COL24A1: variants seen among roughly 807,000 people sequenced by gnomAD.
COL24A1 encodes collagen type XXIV alpha 1 chain, also known as collagen alpha-1(XXIV) chain.
A neutral mutation model predicts 253.9 loss-of-function variants in COL24A1; 224 were observed. The ratio of observed to expected loss-of-function variants is 0.88; its 90% CI spans 0.79 to 0.99. The LOEUF (loss-of-function observed/expected upper bound fraction) is 0.99, where lower values mean the gene tolerates loss of function less well. COL24A1 is among the 50% of genes least tolerant of loss of function. COL24A1 has a pLI of 0.00. For missense variants in COL24A1, 2,131 were observed against 2,068.5 expected (o/e 1.03, Z -0.59); for synonymous variants, 685 against 673.7 (o/e 1.02, Z -0.26).
chr1:86,049,606 A>G (rs1380701654), intron 11 of COL24A1, among the ~76,000 whole-genome samples: 1 of 152,212 alleles, frequency 6.6e-6, no homozygotes, highest in Admixed American at 6.5e-5. Context: ...TGAAGCTGCA[A>G]TGCCATAACT....
intron 43 of COL24A1, among the ~76,000 whole-genome samples, chr1:85,824,826 C>A (rs1457526743): frequency 1.3e-5 from 2 of 151,912 alleles, no homozygotes; most frequent in Non-Finnish European, 2.9e-5. Flanking sequence ...AGAAAGAATG[C>A]CTTAGGAAAG....
chr1:86,151,085 G>GTA (rs775426163), intron 1 of COL24A1, among the ~76,000 whole-genome samples: 2 of 151,644 alleles, frequency 1.3e-5, no homozygotes, highest in African/African-American at 2.4e-5. Context: ...TAAAGGGTTT[G>GTA]TATATATGTG....
rs1351953575 is a variant in COL24A1, at chr1:85,823,734, T to A, written c.3686A>T (p.His1229Leu). The change falls in exon 44 of 60, where the codon CAT becomes CTT. Residue 1229 changes from histidine (H) to leucine (L), a missense_variant. His to Leu is a moderately conservative substitution (Grantham distance 99). Coordinates refer to ENST00000370571, the MANE Select transcript of COL24A1 (RefSeq NM_152890.7). ...ACCTCTTAGTCCTGGTACACCCACA[T>A]GGCCCTAGAAATAGAAAAGATTACA... ...GEPGAEGYKG[H>L]VGVPGLRGAT... 11 of 1,613,488 alleles carry A rather than the reference T, an allele frequency of 6.8e-6. No individual in the cohort carries two copies. The highest frequency in any genetic ancestry group is 9.3e-6 in the Non-Finnish European group (11 of 1,179,660).
chr1:85,845,699 G>A (rs1248833001), intron 39 of COL24A1, among the ~76,000 whole-genome samples: 1 of 151,718 alleles, frequency 6.6e-6, no homozygotes, highest in Admixed American at 6.6e-5. Flanking sequence ...CTAAGTTGAT[G>A]TAACAGAAAA....
chr1:86,133,526 C>G (rs1449755979), intron 2 of COL24A1, among the ~76,000 whole-genome samples: 2 of 152,154 alleles, frequency 1.3e-5, no homozygotes, highest in Admixed American at 6.5e-5. Flanking sequence ...AACGTCCCAT[C>G]AATACCTAAT....
At position 86,118,187 on chromosome 1, in the gene COL24A1, C is replaced by T. The variant is rs563553393; in HGVS notation, c.1492-2809G>A. ...AAGCAATTCTCCTGCCTCAGCCTCT[C>T]GAGTAGCTGGGATTACAGGTGCGTG... On this transcript the variant is annotated intron_variant, in intron 3 of 59. Transcript: ENST00000370571. 4.3e-4 allele frequency among the ~76,000 whole-genome samples: 66 copies of T among 152,004 alleles called. 1 individual carries two copies. In the East Asian group the frequency reaches 0.012, roughly 29 times the overall value.
In COL24A1 at chr1:86,125,978, C is replaced by T. The variant is rs1470033120; in HGVS notation, c.358G>A (p.Ala120Thr). The change falls in exon 3 of 60, where the codon GCA becomes ACA. Residue 120 changes from alanine to threonine, a missense_variant. Ala to Thr is a moderately conservative substitution (Grantham distance 58). Transcript: ENST00000370571. ...TGLQSHRVNN[A>T]FLFSIRNKNR... ...TTATTTCTAATGCTGAAGAGAAATGCATTGTTCACCCGATGTGACTGTAAC... is the reference window on the plus strand; with the variant it reads ...TTATTTCTAATGCTGAAGAGAAATGTATTGTTCACCCGATGTGACTGTAAC... 6.2e-7 allele frequency: 1 copy of T among 1,613,510 alleles called. No individual in the cohort carries two copies. The highest frequency in any genetic ancestry group is 1.7e-5 in the Admixed American group (1 of 59,834).
At chr1:86,054,884 A>T (rs969458619) in intron 10 of COL24A1, among the ~76,000 whole-genome samples, 2 of 152,194 alleles carry the variant, frequency 1.3e-5, no homozygotes, top group African/African-American at 4.8e-5. Flanking sequence ...AAGACATGGA[A>T]TCAACCCAAG....
intron 1 of COL24A1, among the ~76,000 whole-genome samples, chr1:86,152,095 A>G (rs1174952017): frequency 6.6e-6 from 1 of 152,236 alleles, no homozygotes; most frequent in Non-Finnish European, 1.5e-5. Flanking sequence ...TAACTGAAAA[A>G]AGAGTTTTCA....
intron 31 of COL24A1, among the ~76,000 whole-genome samples, chr1:85,895,412 T>G (rs1312683755): frequency 6.6e-6 from 1 of 152,164 alleles, no homozygotes; most frequent in African/African-American, 2.4e-5. Flanking sequence ...AAGTTAGTTA[T>G]TATGTTAGCT....
chr1:85,797,086 A>G (rs2101734079), intron 47 of COL24A1, among the ~76,000 whole-genome samples: 1 of 151,736 alleles, frequency 6.6e-6, no homozygotes, highest in South Asian at 2.1e-4. Flanking sequence ...GGGCGCCTGT[A>G]GTCCCAGCTA....
At chr1:85,892,215 C>T (rs1167378236) in intron 31 of COL24A1, among the ~76,000 whole-genome samples, 1 of 151,840 alleles carries the variant, frequency 6.6e-6, no homozygotes, top group African/African-American at 2.4e-5. Flanking sequence ...TATAATGATA[C>T]ATTATATGCA....
chr1:86,049,882 G>A (rs1700174751), intron 11 of COL24A1, among the ~76,000 whole-genome samples: 2 of 151,748 alleles, frequency 1.3e-5, no homozygotes, highest in Admixed American at 6.6e-5. Flanking sequence ...TAATATTTTG[G>A]TGTATTTTCA....
At chr1:85,737,235 A>C (rs1006031686) in intron 58 of COL24A1, among the ~76,000 whole-genome samples, 161 bp downstream of exon 58, 1 of 152,244 alleles carries the variant, frequency 6.6e-6, no homozygotes, top group Non-Finnish European at 1.5e-5. Flanking sequence ...GTGATTAACT[A>C]GTTTTAAAAA....
At chr1:85,976,310 C>T (rs1328780976) in intron 20 of COL24A1, among the ~76,000 whole-genome samples, 1 of 152,088 alleles carries the variant, frequency 6.6e-6, no homozygotes, top group East Asian at 1.9e-4. Flanking sequence ...TAGTAGGGCA[C>T]ATTGTCAGGG....
intron 5 of COL24A1, among the ~76,000 whole-genome samples, chr1:86,096,336 A>G (rs1450556758): frequency 2.0e-5 from 3 of 152,178 alleles, no homozygotes; most frequent in Admixed American, 6.5e-5. Context: ...AATATCACAA[A>G]GGAAACACTA....
At chr1:85,908,679 G>A (rs1405220400) in intron 26 of COL24A1, 28 bp from the exon 27 acceptor site, 6 of 1,094,872 alleles carry the variant, frequency 5.5e-6, no homozygotes, top group Middle Eastern at 2.1e-4. Flanking sequence ...TATAAAAGAA[G>A]TAAAATATTC....
intron 32 of COL24A1, among the ~76,000 whole-genome samples, chr1:85,884,588 G>C (rs183765441): frequency 7.1e-4 from 108 of 152,174 alleles, no homozygotes; most frequent in African/African-American, 2.4e-3. Flanking sequence ...GTCTGAATTG[G>C]ATATTACCCT....
chr1:85,881,116 T>C (rs1318201173), intron 32 of COL24A1, among the ~76,000 whole-genome samples: 1 of 152,224 alleles, frequency 6.6e-6, no homozygotes, highest in Non-Finnish European at 1.5e-5. Context: ...ATTGGTATCA[T>C]ATGTTCTTTA....
Sources: gnomAD v4.1 joint callset for allele counts (sites outside exome capture counted in the v4.1 genomes callset) on GRCh38, gnomAD v4.1.1 for gene constraint, MANE v1.5 for transcripts, NCBI Gene and HGNC (gene_info 2026-07-23, HGNC 2026-07-21) for gene names.